The following LOC128092252 variants were observed in gnomAD, a reference collection of about 807,000 sequenced individuals.
the LOC128092252 span, among the ~76,000 whole-genome samples, chr15:50,683,909 T>C: frequency 1.3e-5 from 2 of 151,932 alleles, no homozygotes; most frequent in African/African-American, 2.4e-5. Flanking sequence ...TCACCCAGGC[T>C]GGAGTGAATG....
chr15:50,650,907 G>C, the LOC128092252 span, among the ~76,000 whole-genome samples: 1 of 152,160 alleles, frequency 6.6e-6, no homozygotes, highest in East Asian at 1.9e-4. Context: ...CCCAGACATT[G>C]GCCGGGCGTG....
At chr15:50,662,997 T>C in the LOC128092252 span, 2 of 1,613,822 alleles carry the variant, frequency 1.2e-6, no homozygotes, top group Middle Eastern at 1.7e-4. Flanking sequence ...TGGTATAATA[T>C]ATACACATTC....
the LOC128092252 span, among the ~76,000 whole-genome samples, chr15:50,679,536 ATATTTTTTT>A: frequency 2.0e-5 from 1 of 48,958 alleles, no homozygotes; most frequent in Non-Finnish European, 3.5e-5. Context: ...ATATATATAT[ATATTTTTTT>A]TTTTTTTTGA....
the LOC128092252 span, among the ~76,000 whole-genome samples, chr15:50,677,754 A>AC: frequency 3.0e-3 from 445 of 150,266 alleles, 3 homozygotes; most frequent in Non-Finnish European, 4.9e-3. Flanking sequence ...AAAAAAAAAA[A>AC]AAAAAACAAA....
At chr15:50,649,616 C>G in the LOC128092252 span, among the ~76,000 whole-genome samples, 1 of 151,894 alleles carries the variant, frequency 6.6e-6, no homozygotes, top group East Asian at 1.9e-4. Flanking sequence ...TTCAAGAAAC[C>G]GTGAACTAAT....
the LOC128092252 span, among the ~76,000 whole-genome samples, chr15:50,665,290 A>G: frequency 6.6e-6 from 1 of 151,828 alleles, no homozygotes; most frequent in Non-Finnish European, 1.5e-5. Context: ...CCAACTACTC[A>G]GGAGGCTGAG....
chr15:50,673,061 C>A, the LOC128092252 span, among the ~76,000 whole-genome samples: 3 of 151,590 alleles, frequency 2.0e-5, no homozygotes, highest in Non-Finnish European at 4.4e-5. Flanking sequence ...AGTAAGCTAG[C>A]GTTAATTTAT....
the LOC128092252 span, chr15:50,657,843 A>T: frequency 6.3e-7 from 1 of 1,598,874 alleles, no homozygotes; most frequent in Non-Finnish European, 8.5e-7. Flanking sequence ...AAAGGTAAAT[A>T]AATTATTTCA....
the LOC128092252 span, among the ~76,000 whole-genome samples, chr15:50,682,775 G>C: frequency 3.3e-5 from 5 of 152,072 alleles, no homozygotes; most frequent in Admixed American, 3.3e-4. Context: ...TCATCTAAAA[G>C]TGACACCCAT....
the LOC128092252 span, among the ~76,000 whole-genome samples, chr15:50,652,452 C>A: frequency 7.1e-6 from 1 of 141,662 alleles, no homozygotes; most frequent in Non-Finnish European, 1.5e-5. Flanking sequence ...AAACTGAAGT[C>A]AGAATAATGA....
At chr15:50,657,941 A>C in the LOC128092252 span, 1 of 664,566 alleles carries the variant, frequency 1.5e-6, no homozygotes, top group Non-Finnish European at 2.6e-6. Flanking sequence ...TTTTCAGTAG[A>C]TATTATAGTT....
the LOC128092252 span, among the ~76,000 whole-genome samples, chr15:50,661,612 A>C: frequency 1.3e-5 from 2 of 152,212 alleles, no homozygotes; most frequent in African/African-American, 2.4e-5. Context: ...TTTACTACAT[A>C]TCCACTATAA....
the LOC128092252 span, among the ~76,000 whole-genome samples, chr15:50,678,102 G>C: frequency 6.6e-6 from 1 of 151,578 alleles, no homozygotes; most frequent in Admixed American, 6.6e-5. Context: ...TCAGCCGGGC[G>C]TGGTGGTGGG....
chr15:50,649,519 G>T, the LOC128092252 span, among the ~76,000 whole-genome samples: 11 of 151,210 alleles, frequency 7.3e-5, no homozygotes, highest in Admixed American at 2.0e-4. Flanking sequence ...TAATACTACA[G>T]AATGGATAAA....
At chr15:50,671,486 A>T in the LOC128092252 span, among the ~76,000 whole-genome samples, 1 of 152,286 alleles carries the variant, frequency 6.6e-6, no homozygotes, top group South Asian at 2.1e-4. Context: ...CAGTGGTCCC[A>T]TAAGATTATA....
the LOC128092252 span, among the ~76,000 whole-genome samples, chr15:50,682,559 A>G: frequency 6.6e-6 from 1 of 151,424 alleles, no homozygotes. Context: ...CTGGGCGACA[A>G]GAGGGAAACT....
the LOC128092252 span, among the ~76,000 whole-genome samples, chr15:50,680,534 A>G: frequency 6.6e-6 from 1 of 151,648 alleles, no homozygotes; most frequent in Non-Finnish European, 1.5e-5. Context: ...GCACCACTGA[A>G]CTCTAGCCTA....
chr15:50,648,992 A>G, the LOC128092252 span: 1 of 740,144 alleles, frequency 1.4e-6, no homozygotes, highest in Non-Finnish European at 2.0e-6. Context: ...AAATTTTTAT[A>G]TTTTATATAA....
At chr15:50,674,269 G>A in the LOC128092252 span, among the ~76,000 whole-genome samples, 3 of 152,124 alleles carry the variant, frequency 2.0e-5, no homozygotes, top group Non-Finnish European at 2.9e-5. Context: ...GATTACAGGC[G>A]TGAGCCACCA....
Sources: allele counts gnomAD v4.1 joint callset (sites outside exome capture counted in the v4.1 genomes callset), GRCh38; gene constraint gnomAD v4.1.1; transcripts MANE v1.5.